Variants in ANKRD17 observed in about 807,000 individuals in gnomAD.
ANKRD17 encodes ankyrin repeat domain-containing protein 17.
A neutral mutation model predicts 229.7 loss-of-function variants in ANKRD17; 19 were observed. The ratio of observed to expected loss-of-function variants is 0.08; its 90% confidence interval spans 0.06 to 0.12. The LOEUF is 0.12. Among genes scored for constraint, ANKRD17 ranks in the 10% least tolerant of loss-of-function variants. The pLI is 1.00. For missense variants in ANKRD17, 2,176 were observed against 3,176.8 expected (o/e 0.68, Z 7.57); for synonymous variants, 1,112 against 1,146.1 (o/e 0.97, Z 0.60).
At chr4:73,133,540 G>A (rs1028834153) in intron 16 of ANKRD17, among the ~76,000 whole-genome samples, 8 of 151,682 alleles carry the variant, frequency 5.3e-5, no homozygotes, top group Non-Finnish European at 8.8e-5. Context: ...ACAGGCATGC[G>A]CCACAATGCC....
At chr4:73,217,797 A>G (rs886146467) in intron 1 of ANKRD17, among the ~76,000 whole-genome samples, 1 of 152,232 alleles carries the variant, frequency 6.6e-6, no homozygotes. Context: ...ATAAAACTAC[A>G]TTCGGACTAT....
At chr4:73,214,547 C>A (rs988751013) in intron 1 of ANKRD17, among the ~76,000 whole-genome samples, 2 of 151,818 alleles carry the variant, frequency 1.3e-5, no homozygotes, top group African/African-American at 4.8e-5. Context: ...GGTAAACCTG[C>A]TAGTTTCTTA....
At chr4:73,196,338 T>C (rs1177150307) in intron 1 of ANKRD17, among the ~76,000 whole-genome samples, 1 of 152,184 alleles carries the variant, frequency 6.6e-6, no homozygotes, top group African/African-American at 2.4e-5. Flanking sequence ...TTTCTTATCT[T>C]ATTCTTTCTT....
intron 1 of ANKRD17, among the ~76,000 whole-genome samples, chr4:73,220,571 T>C (rs1261910992): frequency 1.3e-5 from 2 of 152,092 alleles, no homozygotes; most frequent in Non-Finnish European, 2.9e-5. Context: ...GTTTAAAAGG[T>C]AAGCCATAGT....
intron 16 of ANKRD17, among the ~76,000 whole-genome samples, chr4:73,129,600 A>T (rs1167096213): frequency 3.3e-5 from 5 of 151,930 alleles, no homozygotes; most frequent in Admixed American, 2.0e-4. Flanking sequence ...GCCTGTACTC[A>T]TAGCTACTCA....
chr4:73,106,878 T>TA (rs35011113), intron 24 of ANKRD17, among the ~76,000 whole-genome samples: 73 of 49,098 alleles, frequency 1.5e-3, no homozygotes, highest in East Asian at 5.2e-3. Flanking sequence ...ACTCCGTCTT[T>TA]AAAAAAAAAA....
At chr4:73,146,188 T>C (rs976950300) in intron 10 of ANKRD17, among the ~76,000 whole-genome samples, 20 of 152,140 alleles carry the variant, frequency 1.3e-4, no homozygotes, top group South Asian at 6.2e-4. Context: ...TCTATCTTTC[T>C]AAACTTTAGC....
intron 30 of ANKRD17, 121 bp downstream of exon 30, chr4:73,085,128 C>A: frequency 9.1e-7 from 1 of 1,101,268 alleles, no homozygotes; most frequent in Non-Finnish European, 1.3e-6. Context: ...TTTTGAAATT[C>A]CAGACTTCTA....
intron 1 of ANKRD17, among the ~76,000 whole-genome samples, chr4:73,228,682 CATAA>C (rs1250979747): frequency 3.9e-5 from 6 of 152,160 alleles, no homozygotes; most frequent in Admixed American, 6.5e-5. Context: ...CAGATTAGTA[CATAA>C]ATATTTATCT....
At chr4:73,190,703 T>C (rs1736954229) in intron 1 of ANKRD17, among the ~76,000 whole-genome samples, 1 of 151,472 alleles carries the variant, frequency 6.6e-6, no homozygotes, top group Admixed American at 6.6e-5. Flanking sequence ...ACTAAGTAAA[T>C]GGTAAGATCA....
chr4:73,094,374 G>A (rs2110180254), intron 27 of ANKRD17, 146 bp from the exon 28 acceptor site: 1 of 720,312 alleles, frequency 1.4e-6, no homozygotes, highest in Non-Finnish European at 2.2e-6. Flanking sequence ...TCTTACTCTA[G>A]ATGAACAGAG....
At chr4:73,184,797 T>G (rs544522190) in intron 1 of ANKRD17, among the ~76,000 whole-genome samples, 1 of 152,150 alleles carries the variant, frequency 6.6e-6, no homozygotes, top group Non-Finnish European at 1.5e-5. Context: ...ATACAGTGAT[T>G]GTGCAGAGAA....
At chr4:73,194,841 ATT>A in intron 1 of ANKRD17, among the ~76,000 whole-genome samples, 1 of 152,052 alleles carries the variant, frequency 6.6e-6, no homozygotes, top group Non-Finnish European at 1.5e-5. Context: ...GTCATTTTTT[ATT>A]TCTCTCATTA....
intron 22 of ANKRD17, among the ~76,000 whole-genome samples, 167 bp from the exon 23 acceptor site, chr4:73,116,083 T>A (rs1725906882): frequency 1.3e-5 from 2 of 152,062 alleles, no homozygotes; most frequent in Admixed American, 6.6e-5. Context: ...GTGAGTTAAA[T>A]CCACATTGAT....
At chr4:73,124,769 T>C (rs1371166061) in intron 18 of ANKRD17, 144 bp downstream of exon 18, 2 of 1,041,598 alleles carry the variant, frequency 1.9e-6, no homozygotes, top group Admixed American at 2.9e-5. Context: ...ATGATACTCA[T>C]CTTTTTGTTA....
intron 10 of ANKRD17, among the ~76,000 whole-genome samples, chr4:73,145,737 T>C (rs1280442472): frequency 6.6e-6 from 1 of 152,174 alleles, no homozygotes; most frequent in Non-Finnish European, 1.5e-5. Context: ...GCACTTATTA[T>C]ATACGTTCTA....
rs770253055 is a variant in ANKRD17, at chr4:73,161,278, C to A, written c.618G>T (p.Ser206=). The change falls in exon 3 of 34, where the codon TCG becomes TCT. Residue 206 remains serine, a synonymous_variant. Transcript: ENST00000358602. ...ADPEVLRRLT[S]SVSCALDEAA... The stretch of plus-strand genomic sequence containing the variant: ...CTTCATCCAACGCACAACTAACAGA[C>A]GATGTCAACCTCCGAAGTACTTCAG... The A allele has an allele frequency of 1.2e-6, 2 of 1,614,264 alleles. No homozygotes were observed. The highest frequency in any genetic ancestry group is 3.3e-5 in the Admixed American group (2 of 60,030).
At chr4:73,235,924 G>A (rs1039428332) in intron 1 of ANKRD17, among the ~76,000 whole-genome samples, 6 of 151,502 alleles carry the variant, frequency 4.0e-5, no homozygotes, top group South Asian at 2.1e-4. Context: ...GGCTGGTTTC[G>A]AACTCCTGAG....
At chr4:73,197,625 G>A (rs1214145618) in intron 1 of ANKRD17, among the ~76,000 whole-genome samples, 1 of 152,114 alleles carries the variant, frequency 6.6e-6, no homozygotes, top group Non-Finnish European at 1.5e-5. Context: ...GAGGCCAGAA[G>A]TTTGAGACTA....
Sources: allele counts gnomAD v4.1 joint callset (sites outside exome capture counted in the v4.1 genomes callset), GRCh38; gene constraint gnomAD v4.1.1; transcripts MANE v1.5; gene names NCBI Gene and HGNC (gene_info 2026-07-23, HGNC 2026-07-21).